The following SLC5A4 variants were observed in gnomAD, a reference collection of about 807,000 sequenced individuals.
SLC5A4 encodes the protein probable glucose sensor protein SLC5A4.
In SLC5A4, 55 loss-of-function variants were observed where a neutral mutation model predicts 70.3. The ratio of observed to expected loss-of-function variants is 0.78; its 90% CI spans 0.63 to 0.98. The LOEUF (loss-of-function observed/expected upper bound fraction) is 0.98, where lower values mean the gene tolerates loss of function less well. Among genes scored for constraint, SLC5A4 ranks in the 50% least tolerant of loss-of-function variants. The pLI is 0.00. For synonymous variants in SLC5A4, 268 were observed against 305.7 expected, an observed-to-expected ratio of 0.88 and a Z score of 1.29; for missense variants, 735 against 839.2, an observed-to-expected ratio of 0.88 and a Z score of 1.53.
the SLC5A4 span, among the ~76,000 whole-genome samples, chr22:32,301,206 C>T: frequency 1.3e-5 from 2 of 152,196 alleles, no homozygotes; most frequent in African/African-American, 4.8e-5. Flanking sequence ...CATGATCCAG[C>T]CACCTCGGCC....
At chr22:32,351,433 G>C in the SLC5A4 span, among the ~76,000 whole-genome samples, 109 of 151,908 alleles carry the variant, frequency 7.2e-4, no homozygotes, top group African/African-American at 2.6e-3. Context: ...GGCCGGCGAG[G>C]TGGCTCACGC....
chr22:32,272,193 G>A, the SLC5A4 span: 1 of 743,260 alleles, frequency 1.3e-6, no homozygotes, highest in South Asian at 1.4e-5. Flanking sequence ...GGAGGAGGAG[G>A]AGGTCATGTC....
chr22:32,262,911 A>G, the SLC5A4 span, among the ~76,000 whole-genome samples: 1 of 151,880 alleles, frequency 6.6e-6, no homozygotes, highest in Non-Finnish European at 1.5e-5. Flanking sequence ...CTGGGACTAC[A>G]GGTGGCCACC....
chr22:32,306,764 GCCC>G, the SLC5A4 span, among the ~76,000 whole-genome samples: 87 of 152,224 alleles, frequency 5.7e-4, no homozygotes, highest in Non-Finnish European at 2.2e-4. Flanking sequence ...CACCCTTGCA[GCCC>G]CCCACCTCGT....
the SLC5A4 span, among the ~76,000 whole-genome samples, chr22:32,351,741 GGGAGGGCGGGGGGGGGGTGGGC>G: frequency 2.2e-5 from 1 of 45,284 alleles, no homozygotes; most frequent in Admixed American, 2.1e-4. Context: ...GGGCGGTGGG[GGGAGGGCGGGGGGGGGGTGGGC>G]GGGTGGAATA....
At chr22:32,322,385 C>T in the SLC5A4 span, among the ~76,000 whole-genome samples, 8 of 152,002 alleles carry the variant, frequency 5.3e-5, no homozygotes, top group African/African-American at 1.7e-4. Flanking sequence ...GTCAGGAGTT[C>T]GAGACCAGCT....
At chr22:32,270,323 A>C in the SLC5A4 span, 1 of 982,490 alleles carries the variant, frequency 1.0e-6, no homozygotes. Flanking sequence ...TGCTCCAGCC[A>C]CAGGAAGAAT....
At chr22:32,346,640 T>C in the SLC5A4 span, among the ~76,000 whole-genome samples, 1 of 134,408 alleles carries the variant, frequency 7.4e-6, no homozygotes, top group African/African-American at 3.1e-5. Flanking sequence ...CTGGGAAAAC[T>C]GGCTAGCCAT....
chr22:32,257,346 A>G (rs1262932543), upstream of SLC5A4, among the ~76,000 whole-genome samples: 1 of 152,102 alleles, frequency 6.6e-6, no homozygotes, highest in African/African-American at 2.4e-5. Context: ...TTGCTGTTGA[A>G]TTGTAGAATT....
the SLC5A4 span, among the ~76,000 whole-genome samples, chr22:32,351,559 G>A: frequency 2.5e-4 from 37 of 150,982 alleles, no homozygotes; most frequent in African/African-American, 7.3e-4. Context: ...AAAATTAGCC[G>A]GGCACAGCAG....
At chr22:32,236,495 T>C (rs905925167) in intron 7 of SLC5A4, among the ~76,000 whole-genome samples, 7 of 152,238 alleles carry the variant, frequency 4.6e-5, no homozygotes, top group Admixed American at 3.9e-4. Flanking sequence ...ACACAGGTTG[T>C]GTATTCTATG....
chr22:32,230,929 C>T (rs1603227473), intron 10 of SLC5A4, 39 bp downstream of exon 10: 1 of 1,314,254 alleles, frequency 7.6e-7, no homozygotes, highest in Non-Finnish European at 1.1e-6. Flanking sequence ...CCGTCTTAGA[C>T]AGGCCTCTGG....
At chr22:32,239,555 T>TAA (rs1926325033) in intron 5 of SLC5A4, among the ~76,000 whole-genome samples, 6 of 15,430 alleles carry the variant, frequency 3.9e-4, no homozygotes, top group East Asian at 3.2e-3. Context: ...TATATATATA[T>TAA]ATATATATAT....
the SLC5A4 span, among the ~76,000 whole-genome samples, chr22:32,352,604 G>A: frequency 4.6e-5 from 7 of 152,172 alleles, no homozygotes; most frequent in South Asian, 8.3e-4. Context: ...CACCTCCACC[G>A]CTGTCACAGA....
intron 7 of SLC5A4, among the ~76,000 whole-genome samples, chr22:32,236,702 G>C (rs1322835603): frequency 6.6e-6 from 1 of 151,074 alleles, no homozygotes; most frequent in Non-Finnish European, 1.5e-5. Context: ...TATCTAAGCA[G>C]TAATTTTTTT....
At chr22:32,258,180 G>A (rs73164055), upstream of SLC5A4, among the ~76,000 whole-genome samples, 10,225 of 152,078 alleles carry the variant, frequency 0.067, 336 homozygotes, top group South Asian at 0.079. Flanking sequence ...GTGGAGATGG[G>A]GTTGTGTCAT....
upstream of SLC5A4, among the ~76,000 whole-genome samples, chr22:32,258,015 T>TG (rs1927577160): frequency 6.6e-6 from 1 of 150,742 alleles, no homozygotes; most frequent in Non-Finnish European, 1.5e-5. Flanking sequence ...AGACAGAGTC[T>TG]TGCTCTGTTG....
chr22:32,355,008 C>T, the SLC5A4 span: 3 of 151,332 alleles, frequency 2.0e-5, no homozygotes, highest in Non-Finnish European at 4.4e-5. Context: ...TTTTCTTTTT[C>T]CTCTAAGCCA....
chr22:32,254,769 A>T (rs5753895), intron 1 of SLC5A4, among the ~76,000 whole-genome samples: 49,318 of 151,438 alleles, frequency 0.33, 8,275 homozygotes, highest in African/African-American at 0.35. Flanking sequence ...GCGCCACTGC[A>T]CTCCAGCCTG....
Sources: gnomAD v4.1 joint callset for allele counts (sites outside exome capture counted in the v4.1 genomes callset) on GRCh38, gnomAD v4.1.1 for gene constraint, MANE v1.5 for transcripts, NCBI Gene and HGNC (gene_info 2026-07-23, HGNC 2026-07-21) for gene names.